The following CDH11 variants were observed in gnomAD, a reference collection of about 807,000 sequenced individuals.
The protein encoded by CDH11 is cadherin 11.
In CDH11, 11 loss-of-function variants were observed where a neutral mutation model predicts 67.8. That is an observed-to-expected ratio of 0.16 (90% CI 0.10 to 0.27). CDH11 has a LOEUF of 0.27. Ranked by LOEUF, CDH11 falls within the 10% of genes least tolerant of loss-of-function variation. CDH11 has a pLI of 1.00. For synonymous variants in CDH11, 419 were observed against 400.0 expected (o/e 1.05, Z -0.57); for missense variants, 847 against 1,031.2 (o/e 0.82, Z 2.45).
chr16:65,080,944 G>A (rs1330581427), intron 1 of CDH11, among the ~76,000 whole-genome samples: 2 of 152,066 alleles, frequency 1.3e-5, no homozygotes, highest in Middle Eastern at 3.2e-3. Context: ...TGCAATGGTA[G>A]TGCCCGAAAT....
chr16:64,987,144 CTT>C (rs1166320518), intron 7 of CDH11: 1 of 152,164 alleles, frequency 6.6e-6, no homozygotes, highest in Non-Finnish European at 1.5e-5. Context: ...GCTCCATACA[CTT>C]TCATGATGGA....
At chr16:65,122,167 G>C (rs2075347028), upstream of CDH11, 2 of 555,476 alleles carry the variant, frequency 3.6e-6, no homozygotes, top group African/African-American at 2.0e-5. Flanking sequence ...GGCTGCCGCT[G>C]TGAGGGAAGG....
chr16:64,953,280 A>G (rs950445640), intron 11 of CDH11, among the ~76,000 whole-genome samples: 1 of 146,166 alleles, frequency 6.8e-6, no homozygotes, highest in Non-Finnish European at 1.5e-5. Flanking sequence ...ATATATATAT[A>G]TGTATGTATA....
At position 65,005,010 on chromosome 16, in the gene CDH11, A is replaced by C; in HGVS notation, c.-141T>G. ...AATGTCTCTGCTGGTTGAGCTCATC[A>C]CGTCAGGGCTGCCCACGTCCCCAGT... is the stretch of plus-strand genomic sequence containing the variant. On this transcript the variant is annotated 5_prime_UTR_variant, in exon 3 of 13. Coordinates refer to ENST00000268603, the MANE Select transcript of CDH11 (RefSeq NM_001797.4). The C allele has an allele frequency of 7.2e-7, 1 of 1,387,236 alleles. No individual in the cohort carries two copies. Among genetic ancestry groups the C allele is most frequent in the Non-Finnish European group, 9.4e-7 (1 of 1,069,030 alleles). The allele number at this position is 1,387,236 out of a possible 1,614,324, so 85.9% of individuals were successfully genotyped here. A position where few individuals can be genotyped will look rare whatever the true frequency, so the allele number is the denominator to read the frequency against.
At chr16:65,028,002 T>C (rs961580256) in intron 2 of CDH11, among the ~76,000 whole-genome samples, 15 of 151,888 alleles carry the variant, frequency 9.9e-5, no homozygotes, top group African/African-American at 3.6e-4. Flanking sequence ...TTAAAAGAGG[T>C]CAGGATATAT....
intron 1 of CDH11, among the ~76,000 whole-genome samples, chr16:65,111,218 C>T (rs1260291379): frequency 3.3e-5 from 5 of 152,224 alleles, no homozygotes; most frequent in Non-Finnish European, 5.9e-5. Flanking sequence ...AGAATAACAG[C>T]AACTCCATGC....
chr16:64,948,668 C>T, intron 12 of CDH11: 2 of 1,610,364 alleles, frequency 1.2e-6, no homozygotes, highest in Non-Finnish European at 1.7e-6. Flanking sequence ...TTTATAAAGA[C>T]CCCCAGAAGA....
At chr16:64,948,767 G>T (rs544878990) in intron 12 of CDH11, 3 of 1,599,840 alleles carry the variant, frequency 1.9e-6, no homozygotes, top group Admixed American at 1.7e-5. Context: ...GGAGAGGGGG[G>T]TTCCATTAAG....
chr16:65,018,752 C>A (rs112779383), intron 2 of CDH11, among the ~76,000 whole-genome samples: 1 of 152,192 alleles, frequency 6.6e-6, no homozygotes, highest in South Asian at 2.1e-4. Flanking sequence ...TCCAAGAGTG[C>A]TTTGGCAGTA....
chr16:65,057,977 G>T (rs1240188061), intron 1 of CDH11, among the ~76,000 whole-genome samples: 15 of 152,178 alleles, frequency 9.9e-5, no homozygotes, highest in Non-Finnish European at 4.4e-5. Context: ...GCTCATGCCT[G>T]TAATCCCAGC....
At chr16:65,022,583 A>G (rs891566655) in intron 2 of CDH11, among the ~76,000 whole-genome samples, 8 of 152,218 alleles carry the variant, frequency 5.3e-5, no homozygotes, top group African/African-American at 1.9e-4. Flanking sequence ...GCAAAGTGTT[A>G]AAGTTACAAT....
chr16:65,046,981 T>C (rs1219726023), intron 2 of CDH11, among the ~76,000 whole-genome samples: 1 of 152,112 alleles, frequency 6.6e-6, no homozygotes, highest in Non-Finnish European at 1.5e-5. Flanking sequence ...TGGTGGCATA[T>C]GCCTGTAGTC....
chr16:65,095,607 G>T (rs1317438324), intron 1 of CDH11, among the ~76,000 whole-genome samples: 1 of 152,130 alleles, frequency 6.6e-6, no homozygotes, highest in East Asian at 1.9e-4. Context: ...GATTCAACCA[G>T]TTGAAAGGCA....
At chr16:65,043,071 G>A (rs1049061142) in intron 2 of CDH11, among the ~76,000 whole-genome samples, 1 of 152,170 alleles carries the variant, frequency 6.6e-6, no homozygotes, top group Non-Finnish European at 1.5e-5. Context: ...CATAATTTTA[G>A]TGCAGAAACA....
chr16:65,085,101 G>C (rs2074673498), intron 1 of CDH11, among the ~76,000 whole-genome samples: 1 of 152,090 alleles, frequency 6.6e-6, no homozygotes, highest in South Asian at 2.1e-4. Flanking sequence ...AGTAGAGACA[G>C]GGTTTCACCA....
chr16:65,000,669 C>T (rs926117525), intron 3 of CDH11, among the ~76,000 whole-genome samples: 2 of 151,946 alleles, frequency 1.3e-5, no homozygotes, highest in Non-Finnish European at 2.9e-5. Flanking sequence ...ATTAACCAGG[C>T]ATGATAGCTT....
In CDH11 at chr16:64,945,390, A is replaced by T; in HGVS notation, c.*2213T>A. The T allele has an allele frequency of 9.7e-7, 1 of 1,032,030 alleles. No individual in the cohort carries two copies. The highest frequency in any genetic ancestry group is 1.2e-6 in the Non-Finnish European group (1 of 856,166). The allele number at this position is 1,032,030 out of a possible 1,614,324, so 63.9% of individuals were successfully genotyped here. A position where few individuals can be genotyped will look rare whatever the true frequency, so the allele number is the denominator to read the frequency against. Reference sequence around the variant, plus strand: ...TTTTTAAAAAAGACTTCAACATAAAAATGCGAAAATGTAGTTGTCATCTCT... The same window carrying T: ...TTTTTAAAAAAGACTTCAACATAAATATGCGAAAATGTAGTTGTCATCTCT... On this transcript the variant is annotated 3_prime_UTR_variant, in exon 13 of 13. Coordinates refer to ENST00000268603, the MANE Select transcript of CDH11 (RefSeq NM_001797.4).
At chr16:65,100,699 C>T (rs1477140952) in intron 1 of CDH11, among the ~76,000 whole-genome samples, 9 of 147,528 alleles carry the variant, frequency 6.1e-5, no homozygotes, top group African/African-American at 2.3e-4. Context: ...GATCGCGCCA[C>T]TGCACTCCAG....
At chr16:65,004,381 A>G (rs535829305) in intron 3 of CDH11, among the ~76,000 whole-genome samples, 1 of 152,322 alleles carries the variant, frequency 6.6e-6, no homozygotes, top group South Asian at 2.1e-4. Flanking sequence ...TCTAAATAAT[A>G]TGGTAAATGA....
Sources: gnomAD v4.1 joint callset for allele counts (sites outside exome capture counted in the v4.1 genomes callset) on GRCh38, gnomAD v4.1.1 for gene constraint, MANE v1.5 for transcripts, NCBI Gene and HGNC (gene_info 2026-07-23, HGNC 2026-07-21) for gene names.